FAAH2: variants seen among roughly 807,000 people sequenced by gnomAD.
FAAH2 encodes fatty acid amide hydrolase 2.
A neutral mutation model predicts 36.9 loss-of-function variants in FAAH2; 60 were observed. The ratio of observed to expected loss-of-function variants is 1.63; its 90% CI spans 1.32 to 2.02. The LOEUF is 2.02. Ranked by LOEUF, FAAH2 falls within the 30% of genes most tolerant of loss-of-function variation. The pLI is 0.00. For synonymous variants in FAAH2, 214 were observed against 143.8 expected (o/e 1.49, Z -3.49); for missense variants, 689 against 397.5 (o/e 1.73, Z -6.23).
the FAAH2 span, among the ~76,000 whole-genome samples, chrX:57,225,470 A>G: frequency 2.7e-5 from 3 of 111,807 alleles, no homozygotes; most frequent in Admixed American, 9.5e-5. Flanking sequence ...TTTGGAGTTC[A>G]TTTCCAGTTT....
At chrX:57,223,912 C>T in the FAAH2 span, among the ~76,000 whole-genome samples, 1 of 111,532 alleles carries the variant, frequency 9.0e-6, no homozygotes, top group Non-Finnish European at 1.9e-5. Flanking sequence ...CCCTATAGGC[C>T]TCAATTCTCA....
chrX:57,413,483 C>A (rs1264951633), intron 7 of FAAH2, among the ~76,000 whole-genome samples: 1 of 111,843 alleles, frequency 8.9e-6, no homozygotes, highest in Admixed American at 9.5e-5. Context: ...ATAGGGAATC[C>A]TTTCCCCATT....
chrX:57,301,354 T>C (rs2052358561), intron 2 of FAAH2, among the ~76,000 whole-genome samples: 2 of 105,177 alleles, frequency 1.9e-5, no homozygotes, highest in African/African-American at 7.0e-5. Flanking sequence ...CAGCAAACTA[T>C]CACAAGGACA....
intron 5 of FAAH2, among the ~76,000 whole-genome samples, chrX:57,349,549 T>A (rs867298552): frequency 2.9e-5 from 3 of 103,962 alleles, no homozygotes; most frequent in African/African-American, 1.0e-4. Context: ...TTTAAATGTT[T>A]TATATATATA....
At chrX:57,428,178 A>G (rs758796146) in intron 7 of FAAH2, among the ~76,000 whole-genome samples, 13 of 112,202 alleles carry the variant, frequency 1.2e-4, no homozygotes, top group Non-Finnish European at 2.3e-4. Context: ...TCTGGAATGC[A>G]TTTAACCAAG....
intron 5 of FAAH2, among the ~76,000 whole-genome samples, chrX:57,362,001 G>A (rs1332549893): frequency 9.0e-6 from 1 of 111,329 alleles, no homozygotes; most frequent in Admixed American, 9.6e-5. Context: ...CTGCTGAGAA[G>A]TTTGCTTTCA....
chrX:57,197,571 C>T, the FAAH2 span, among the ~76,000 whole-genome samples: 1 of 110,820 alleles, frequency 9.0e-6, no homozygotes, highest in Non-Finnish European at 1.9e-5. Flanking sequence ...AGGATGATTC[C>T]TTGATGTGAT....
At chrX:57,425,060 A>G (rs1196628169) in intron 7 of FAAH2, among the ~76,000 whole-genome samples, 1 of 111,859 alleles carries the variant, frequency 8.9e-6, no homozygotes, top group Non-Finnish European at 1.9e-5. Context: ...CTGAAAATAA[A>G]AAATTAGAAA....
chrX:57,394,199 G>A (rs988184771), intron 7 of FAAH2: 3 of 656,426 alleles, frequency 4.6e-6, no homozygotes, highest in Middle Eastern at 3.1e-4. Flanking sequence ...TCCAAAGGTG[G>A]GGCCCTGAGA....
At chrX:57,488,285 C>G (rs1004558346) in intron 10 of FAAH2, among the ~76,000 whole-genome samples, 4 of 111,536 alleles carry the variant, frequency 3.6e-5, no homozygotes, top group Non-Finnish European at 7.5e-5. Flanking sequence ...AATCACAACT[C>G]TAGATTAGTG....
chrX:57,465,392 C>T (rs2057031094), intron 10 of FAAH2, among the ~76,000 whole-genome samples: 1 of 111,065 alleles, frequency 9.0e-6, no homozygotes, highest in Admixed American at 9.6e-5. Context: ...CTAAGTAGGA[C>T]AAATGCAAAG....
chrX:57,283,743 G>A (rs757082093), upstream of FAAH2, among the ~76,000 whole-genome samples: 4 of 111,592 alleles, frequency 3.6e-5, no homozygotes, highest in East Asian at 5.7e-4. Flanking sequence ...CTCCAGTGTA[G>A]CAACTCGACC....
At chrX:57,143,454 G>A in the FAAH2 span, among the ~76,000 whole-genome samples, 1 of 109,832 alleles carries the variant, frequency 9.1e-6, no homozygotes, top group East Asian at 2.8e-4. Context: ...TTTTTATATT[G>A]TCTGTCTCTT....
intron 7 of FAAH2, among the ~76,000 whole-genome samples, chrX:57,408,675 T>C: frequency 9.0e-6 from 1 of 111,073 alleles, no homozygotes; most frequent in Non-Finnish European, 1.9e-5. Flanking sequence ...CTTTTCACCA[T>C]TGAGTCTGAT....
At chrX:57,392,579 G>T (rs962238318) in intron 7 of FAAH2, 4 of 821,948 alleles carry the variant, frequency 4.9e-6, no homozygotes, top group African/African-American at 2.0e-5. Flanking sequence ...CTAACTCCCA[G>T]TGGGCCTGAA....
intron 8 of FAAH2, among the ~76,000 whole-genome samples, chrX:57,444,271 C>T (rs945891882): frequency 8.9e-6 from 1 of 112,160 alleles, no homozygotes; most frequent in African/African-American, 3.2e-5. Flanking sequence ...TTTTAGCTTA[C>T]CAGCCGTTTT....
At chrX:57,198,937 C>A in the FAAH2 span, among the ~76,000 whole-genome samples, 1 of 112,221 alleles carries the variant, frequency 8.9e-6, no homozygotes, top group African/African-American at 3.2e-5. Flanking sequence ...TTTGGACAGT[C>A]ACAGTTTTTT....
intron 10 of FAAH2, among the ~76,000 whole-genome samples, chrX:57,464,157 C>T (rs191507305): frequency 9.0e-4 from 100 of 111,650 alleles, no homozygotes; most frequent in Middle Eastern, 9.2e-3. Context: ...AACACAGGAA[C>T]AGAAAACCAA....
chrX:57,313,240 A>G (rs940252450), intron 3 of FAAH2, among the ~76,000 whole-genome samples: 1 of 111,063 alleles, frequency 9.0e-6, no homozygotes, highest in Admixed American at 9.7e-5. Context: ...GAAATGTGGA[A>G]TGATATAAGA....
Sources: allele counts gnomAD v4.1 joint callset (sites outside exome capture counted in the v4.1 genomes callset), GRCh38; gene constraint gnomAD v4.1.1; transcripts MANE v1.5; gene names NCBI Gene and HGNC (gene_info 2026-07-23, HGNC 2026-07-21).